The following SPIRE1 variants were observed in gnomAD, a reference collection of about 807,000 sequenced individuals.
SPIRE1 encodes protein spire homolog 1.
SPIRE1 carries 40 observed loss-of-function variants against 94.1 expected under a neutral mutation model. The ratio of observed to expected loss-of-function variants is 0.43; its 90% confidence interval spans 0.33 to 0.55. The LOEUF is 0.55. SPIRE1 is among the 20% of genes least tolerant of loss of function. The probability of loss-of-function intolerance (pLI) is 0.06; values close to 1 mark genes in which losing one functional copy is unlikely to be tolerated. For synonymous variants in SPIRE1, 376 were observed against 371.7 expected, an observed-to-expected ratio of 1.01 and a Z score of -0.13; for missense variants, 838 against 975.2, an observed-to-expected ratio of 0.86 and a Z score of 1.87.
chr18:12,505,733 T>C (rs1239479275), intron 6 of SPIRE1, among the ~76,000 whole-genome samples: 1 of 152,186 alleles, frequency 6.6e-6, no homozygotes, highest in Admixed American at 6.5e-5. Flanking sequence ...ACACAAAATA[T>C]GTTGCTTATA....
chr18:12,551,498 G>A (rs866018810), intron 2 of SPIRE1, among the ~76,000 whole-genome samples: 2 of 152,114 alleles, frequency 1.3e-5, no homozygotes, highest in East Asian at 1.9e-4. Flanking sequence ...TCGGGAGATT[G>A]AGACCATCCT....
At chr18:12,650,453 A>AT (rs1462535693) in intron 1 of SPIRE1, among the ~76,000 whole-genome samples, 1 of 151,300 alleles carries the variant, frequency 6.6e-6, no homozygotes, top group Non-Finnish European at 1.5e-5. Context: ...GCTCACATCT[A>AT]TAATCCCAGC....
At chr18:12,627,695 T>C (rs2037671372) in intron 2 of SPIRE1, among the ~76,000 whole-genome samples, 3 of 152,218 alleles carry the variant, frequency 2.0e-5, no homozygotes, top group Non-Finnish European at 4.4e-5. Context: ...CGTTCCTATT[T>C]CTCCACATCA....
intron 1 of SPIRE1, among the ~76,000 whole-genome samples, chr18:12,642,529 CT>C (rs939948780): frequency 4.6e-5 from 7 of 152,150 alleles, no homozygotes; most frequent in Non-Finnish European, 7.4e-5. Flanking sequence ...TATCTTTTAT[CT>C]ATTTTATGTA....
chr18:12,639,025 C>T (rs1440243577), intron 1 of SPIRE1, among the ~76,000 whole-genome samples: 1 of 152,154 alleles, frequency 6.6e-6, no homozygotes, highest in Non-Finnish European at 1.5e-5. Flanking sequence ...TCCATTCCCA[C>T]TTTCAGTGGC....
intron 4 of SPIRE1, among the ~76,000 whole-genome samples, chr18:12,530,371 T>C (rs2034649287): frequency 6.6e-6 from 1 of 151,822 alleles, no homozygotes; most frequent in African/African-American, 2.4e-5. Flanking sequence ...TCCTCCCCGA[T>C]TTTTATGTTT....
chr18:12,454,186 C>T (rs73403716), intron 13 of SPIRE1, among the ~76,000 whole-genome samples, 160 bp downstream of exon 13: 2,297 of 152,224 alleles, frequency 0.015, 56 homozygotes, highest in African/African-American at 0.052. Context: ...CTCTTGTGAA[C>T]GAGACAGCAC....
chr18:12,559,188 TG>T lies in SPIRE1; in HGVS notation c.373-12285del, dbSNP rs796385357. 4.5e-5 allele frequency among the ~76,000 whole-genome samples: 1 copy of T among 22,388 alleles called. No homozygotes were observed. The highest frequency in any genetic ancestry group is 1.1e-4 in the African/African-American group (1 of 9,246). The allele number at this position is 22,388 out of a possible 152,430, so 14.7% of individuals were successfully genotyped here. A position where few individuals can be genotyped will look rare whatever the true frequency, so the allele number is the denominator to read the frequency against. ...TAGGAGCCCACGGGGTGGGGTGGGGTGGGGGGGCGCCGGCATGGCAGGCTGC... is the reference window on the plus strand; with the variant it reads ...TAGGAGCCCACGGGGTGGGGTGGGGTGGGGGGCGCCGGCATGGCAGGCTGC... On this transcript the variant is annotated intron_variant, in intron 2 of 16. Transcript: ENST00000409402. The surrounding 1 kb of genome is among the most constrained non-coding windows in gnomAD (Gnocchi z 4.7).
intron 13 of SPIRE1, among the ~76,000 whole-genome samples, chr18:12,453,534 C>T (rs913409267): frequency 4.0e-5 from 6 of 150,154 alleles, no homozygotes; most frequent in East Asian, 2.0e-4. Flanking sequence ...CCTGGGTTCA[C>T]GCCATTCTCC....
chr18:12,527,508 A>C (rs1471240743), intron 4 of SPIRE1, among the ~76,000 whole-genome samples: 1 of 152,172 alleles, frequency 6.6e-6, no homozygotes, highest in East Asian at 1.9e-4. Flanking sequence ...CTGCTGCAGA[A>C]GGCTTTGGAT....
At chr18:12,513,406 C>T (rs983932398) in intron 4 of SPIRE1, among the ~76,000 whole-genome samples, 4 of 152,124 alleles carry the variant, frequency 2.6e-5, no homozygotes, top group African/African-American at 9.7e-5. Flanking sequence ...AAATTTTTCC[C>T]TAATCCCCAC....
intron 2 of SPIRE1, among the ~76,000 whole-genome samples, chr18:12,611,981 T>C (rs1336795473): frequency 1.3e-5 from 2 of 152,134 alleles, no homozygotes; most frequent in South Asian, 2.1e-4. Context: ...GCTTAATTTG[T>C]TATGTAGCAA....
intron 1 of SPIRE1, among the ~76,000 whole-genome samples, chr18:12,642,410 C>CA (rs1567986920): frequency 1.3e-5 from 2 of 151,618 alleles, no homozygotes; most frequent in Admixed American, 1.3e-4. Context: ...CCTTACCTTT[C>CA]AAAAAAAATG....
intron 2 of SPIRE1, among the ~76,000 whole-genome samples, chr18:12,569,510 G>C (rs1374981175): frequency 6.6e-6 from 1 of 152,008 alleles, no homozygotes; most frequent in Non-Finnish European, 1.5e-5. Context: ...GACAAGGGGG[G>C]CTACCAGAAA....
At chr18:12,495,145 A>G (rs2033410473) in intron 7 of SPIRE1, among the ~76,000 whole-genome samples, 1 of 152,126 alleles carries the variant, frequency 6.6e-6, no homozygotes, top group South Asian at 2.1e-4. Flanking sequence ...AGTTGTATAC[A>G]AACTGAGAAA....
chr18:12,649,713 T>C (rs951998408), intron 1 of SPIRE1, among the ~76,000 whole-genome samples: 1 of 152,210 alleles, frequency 6.6e-6, no homozygotes, highest in East Asian at 1.9e-4. Context: ...TTTTTTCTTC[T>C]AAAGTTTAGT....
At chr18:12,566,524 A>G (rs35963756) in intron 2 of SPIRE1, among the ~76,000 whole-genome samples, 51,531 of 151,992 alleles carry the variant, frequency 0.34, 10,241 homozygotes, top group East Asian at 0.58. Context: ...TAATAGCAAC[A>G]ATGTATTCAA....
chr18:12,610,464 T>C (rs1395703319), intron 2 of SPIRE1, among the ~76,000 whole-genome samples: 2 of 152,176 alleles, frequency 1.3e-5, no homozygotes, highest in Non-Finnish European at 2.9e-5. Context: ...AACTTCCTTC[T>C]TAAGCAGGTT....
intron 2 of SPIRE1, among the ~76,000 whole-genome samples, chr18:12,581,491 T>C (rs2036255307): frequency 6.6e-6 from 1 of 152,218 alleles, no homozygotes; most frequent in South Asian, 2.1e-4. Flanking sequence ...AGCCACACTA[T>C]TTTTACTCTA....
Sources: allele counts gnomAD v4.1 joint callset (sites outside exome capture counted in the v4.1 genomes callset), GRCh38; gene constraint gnomAD v4.1.1; non-coding constraint Gnocchi (gnomAD v3.1); transcripts MANE v1.5; gene names NCBI Gene and HGNC (gene_info 2026-07-23, HGNC 2026-07-21).